IL17F: variants seen among roughly 807,000 people sequenced by gnomAD.
The protein encoded by IL17F is interleukin 17F.
Under a neutral mutation model 8.3 loss-of-function variants are expected in IL17F, and 6 were observed. The ratio of observed to expected loss-of-function variants is 0.73; its 90% CI spans 0.40 to 1.43. The LOEUF is 1.43. IL17F is among the 40% of genes most tolerant of loss of function. The pLI is 0.02. For missense variants in IL17F, 204 were observed against 209.6 expected (o/e 0.97, Z 0.17); for synonymous variants, 98 against 81.6 (o/e 1.20, Z -1.08).
chr6:52,238,874 C>G lies in IL17F; in HGVS notation c.110G>C (p.Gly37Ala). 6.2e-7 allele frequency: 1 copy of G among 1,614,004 alleles called. No homozygotes were observed. Reference sequence around the variant, plus strand: ...CTCAGGCTTTTGGAAAAAAGTATGTCCTACTTTGGGGATTTTCCGAGCTGC... The same window carrying G: ...CTCAGGCTTTTGGAAAAAAGTATGTGCTACTTTGGGGATTTTCCGAGCTGC... ...EAAARKIPKV[G>A]HTFFQKPESC... The change falls in exon 2 of 3, where the codon GGA becomes GCA. Residue 37 changes from glycine (G) to alanine (A), a missense_variant. By Grantham distance (60) the Gly-to-Ala change is moderately conservative. Transcript: ENST00000336123.
In IL17F at chr6:52,236,876, A is replaced by G; in HGVS notation, c.*55T>C. On this transcript the variant is annotated 3_prime_UTR_variant, in exon 3 of 3. Transcript: ENST00000336123. ...GGTCAGACAGGACTTGTTGCAGAGCACTGGGTAAGGAGTGGCATTTCTACA... is the reference window on the plus strand; with the variant it reads ...GGTCAGACAGGACTTGTTGCAGAGCGCTGGGTAAGGAGTGGCATTTCTACA... 2 of 1,387,246 alleles carry G rather than the reference A, an allele frequency of 1.4e-6. No individual in the cohort carries two copies. Among genetic ancestry groups the G allele is most frequent in the Non-Finnish European group, 2.1e-6 (2 of 973,562 alleles). 85.9% of individuals were successfully genotyped at this position (1,387,246 alleles called of 1,614,324 possible).
At chr6:52,241,333 C>G (rs763721580) in intron 1 of IL17F, among the ~76,000 whole-genome samples, 9 of 152,116 alleles carry the variant, frequency 5.9e-5, no homozygotes, top group Non-Finnish European at 1.2e-4. Context: ...CCACCTCGGC[C>G]TCCCAAAATG....
upstream of IL17F, among the ~76,000 whole-genome samples, chr6:52,244,880 G>A (rs1454056308): frequency 6.6e-6 from 1 of 152,092 alleles, no homozygotes; most frequent in East Asian, 1.9e-4. Flanking sequence ...TGATTTAAAT[G>A]GGAGAAAACT....
intron 1 of IL17F, among the ~76,000 whole-genome samples, chr6:52,240,759 G>T (rs12203582): frequency 6.6e-6 from 1 of 151,640 alleles, no homozygotes; most frequent in Non-Finnish European, 1.5e-5. Flanking sequence ...CCCCACAATC[G>T]TTCATTCATT....
rs759705604 is a variant in IL17F, at chr6:52,244,473, A to G, written c.-44T>C. The G allele has an allele frequency of 1.3e-6, 2 of 1,599,638 alleles. No homozygotes were observed. Among genetic ancestry groups the G allele is most frequent in the East Asian group, 2.2e-5 (1 of 44,808 alleles). On this transcript the variant is annotated 5_prime_UTR_variant, in exon 1 of 3. Transcript: ENST00000336123. The stretch of plus-strand genomic sequence containing the variant: ...TTTGTGCAGGAAGCTCTTTCTGTGA[A>G]TGTATCTTCCTGTGTATGCCTGTGT...
At position 52,236,711 on chromosome 6, in the gene IL17F, G is replaced by T. The variant is rs1763966080; in HGVS notation, c.*220C>A. On this transcript the variant is annotated 3_prime_UTR_variant, in exon 3 of 3. Coordinates refer to ENST00000336123, the MANE Select transcript of IL17F (RefSeq NM_052872.4). ...AAATTATTAATACTTTATTATATTAGCACTGAATATATTAATTTTTCTCCT... is the reference window on the plus strand; with the variant it reads ...AAATTATTAATACTTTATTATATTATCACTGAATATATTAATTTTTCTCCT... 2 of 558,558 alleles carry T rather than the reference G, an allele frequency of 3.6e-6. No homozygotes were observed. Among genetic ancestry groups the T allele is most frequent in the Admixed American group, 6.0e-5 (2 of 33,338 alleles). 34.6% of individuals were successfully genotyped at this position (558,558 alleles called of 1,614,324 possible).
intron 2 of IL17F, among the ~76,000 whole-genome samples, chr6:52,237,508 T>C (rs1458189265): frequency 1.3e-5 from 2 of 152,156 alleles, no homozygotes; most frequent in Non-Finnish European, 2.9e-5. Context: ...ATTATTATTA[T>C]TATTACAATT....
At chr6:52,242,864 T>C (rs1764097152) in intron 1 of IL17F, among the ~76,000 whole-genome samples, 1 of 152,152 alleles carries the variant, frequency 6.6e-6, no homozygotes, top group Admixed American at 6.5e-5. Flanking sequence ...AATGGCCAAA[T>C]TAACTGAAAA....
rs571390206 is a variant in IL17F, at chr6:52,238,725, C to T, written c.254+5G>A. On this transcript the variant is annotated splice_donor_5th_base_variant and intron_variant, in intron 2 of 2. Transcript: ENST00000336123. Reference sequence around the variant, plus strand: ...AATGTGAAAATCAGTCTCATTTGCACTTACGTGTAATTCCAGGGGGAGGTG... The same window carrying T: ...AATGTGAAAATCAGTCTCATTTGCATTTACGTGTAATTCCAGGGGGAGGTG... 6.2e-7 allele frequency: 1 copy of T among 1,611,818 alleles called. No individual in the cohort carries two copies. The highest frequency in any genetic ancestry group is 1.1e-5 in the South Asian group (1 of 90,976).
intron 1 of IL17F, among the ~76,000 whole-genome samples, chr6:52,241,697 G>A (rs1764077306): frequency 6.6e-6 from 1 of 152,164 alleles, no homozygotes; most frequent in South Asian, 2.1e-4. Context: ...ACTACCTGGT[G>A]AGGTAATCAG....
chr6:52,238,200 A>G (rs1764003752), intron 2 of IL17F, among the ~76,000 whole-genome samples: 1 of 152,198 alleles, frequency 6.6e-6, no homozygotes, highest in South Asian at 2.1e-4. Flanking sequence ...TTTGATACTT[A>G]CATTTGGAGA....
intron 2 of IL17F, among the ~76,000 whole-genome samples, chr6:52,238,227 G>C (rs1582260447): frequency 6.6e-6 from 1 of 152,292 alleles, no homozygotes; most frequent in East Asian, 1.9e-4. Context: ...GGGAGTGCTT[G>C]GTCTTCCAAG....
intron 1 of IL17F, among the ~76,000 whole-genome samples, chr6:52,241,363 C>A (rs1764071649): frequency 6.6e-6 from 1 of 152,154 alleles, no homozygotes; most frequent in Admixed American, 6.6e-5. Flanking sequence ...CAGGCCTGAG[C>A]TACCGCGCCT....
At chr6:52,241,447 A>C (rs1279968716) in intron 1 of IL17F, among the ~76,000 whole-genome samples, 1 of 152,028 alleles carries the variant, frequency 6.6e-6, no homozygotes, top group Non-Finnish European at 1.5e-5. Context: ...CAAGCCTACC[A>C]ATCACATATT....
rs778818449 is a variant in IL17F at position 52,240,611 on chromosome 6, G to A, written c.34-1661C>T. On this transcript the variant is annotated intron_variant, in intron 1 of 2. Transcript: ENST00000336123. ...ATACTAGAGACAAAAAACAATAAGA[G>A]TAAACAAAAAGGTCATAGTGTCCAT... Among the ~76,000 whole-genome samples, 12 of 151,934 alleles carry A rather than the reference G, an allele frequency of 7.9e-5. 1 individual carries two copies. The highest frequency in any genetic ancestry group is 1.6e-4 in the Non-Finnish European group (11 of 67,968).
At chr6:52,240,671 T>C (rs1764057846) in intron 1 of IL17F, among the ~76,000 whole-genome samples, 1 of 152,094 alleles carries the variant, frequency 6.6e-6, no homozygotes, top group South Asian at 2.1e-4. Context: ...TAAAAAGAAG[T>C]TGAAAGCAAG....
chr6:52,238,800 T>G lies in IL17F; in HGVS notation c.184A>C (p.Ile62Leu). Residue 62 changes from isoleucine (I) to leucine (L), a missense_variant, in exon 2 of 3, where the codon ATC becomes CTC. Coordinates refer to ENST00000336123, the MANE Select transcript of IL17F (RefSeq NM_052872.4). ...ATGGAAACGCGCTGGTTTTCATTGA[T>G]GATGCCAATGTCAAGCTTCATACTA... ...GGSMKLDIGIINENQRVSMSR... is the reference protein window; with the variant it reads ...GGSMKLDIGILNENQRVSMSR... The G allele has an allele frequency of 6.2e-7, 1 of 1,614,200 alleles. No homozygotes were observed. The highest frequency in any genetic ancestry group is 1.1e-5 in the South Asian group (1 of 91,082).
At position 52,236,828 on chromosome 6, in the gene IL17F, C is replaced by T; in HGVS notation, c.*103G>A. 1.1e-6 allele frequency: 1 copy of T among 876,894 alleles called. No individual in the cohort carries two copies. Among genetic ancestry groups the T allele is most frequent in the Non-Finnish European group, 2.0e-6 (1 of 509,634 alleles). 54.3% of individuals were successfully genotyped at this position (876,894 alleles called of 1,614,324 possible). ...CATCCGTGCAGGTCTTATTAAGAGT[C>T]CTGTGAAGTGGAGGGAATTGGGGGT... On this transcript the variant is annotated 3_prime_UTR_variant, in exon 3 of 3. Coordinates refer to ENST00000336123, the MANE Select transcript of IL17F (RefSeq NM_052872.4).
intron 1 of IL17F, among the ~76,000 whole-genome samples, chr6:52,242,480 T>C (rs1270139952): frequency 1.3e-5 from 2 of 152,254 alleles, no homozygotes; most frequent in Non-Finnish European, 2.9e-5. Flanking sequence ...CACTGTTATG[T>C]TTCTTGCTGA....
Sources: allele counts gnomAD v4.1 joint callset (sites outside exome capture counted in the v4.1 genomes callset), GRCh38; gene constraint gnomAD v4.1.1; transcripts MANE v1.5; gene names NCBI Gene and HGNC (gene_info 2026-07-23, HGNC 2026-07-21).